MAPK9: variants seen among roughly 807,000 people sequenced by gnomAD.
The protein encoded by MAPK9 is Jun kinase.
MAPK9 carries 30 observed loss-of-function variants against 57.1 expected under a neutral mutation model. The observed-to-expected ratio is 0.53, with a 90% CI of 0.39 to 0.71. MAPK9 has a LOEUF of 0.71. Ranked by LOEUF, MAPK9 falls within the 30% of genes least tolerant of loss-of-function variation. MAPK9 has a pLI of 0.00. For missense variants in MAPK9, 362 were observed against 521.0 expected, an observed-to-expected ratio of 0.69 and a Z score of 2.97; for synonymous variants, 155 against 177.0, an observed-to-expected ratio of 0.88 and a Z score of 0.99.
intron 1 of MAPK9, among the ~76,000 whole-genome samples, chr5:180,291,233 G>A (rs1763202505): frequency 6.6e-6 from 1 of 151,750 alleles, no homozygotes; most frequent in African/African-American, 2.4e-5. Context: ...TAAGGGATTC[G>A]GGCTGGGTCC....
rs35159748 is a variant in MAPK9 at position 180,259,882 on chromosome 5, C to T, written c.450+1802G>A. On this transcript the variant is annotated intron_variant, in intron 5 of 11. Transcript: ENST00000452135. ...TCCTGTATGTAAACATGAAAAAACT[C>T]ATACTCTGTAGAAATCCTGAGAATG... 2.2e-3 allele frequency among the ~76,000 whole-genome samples: 332 copies of T among 152,326 alleles called. 2 individuals are homozygous for T. Among genetic ancestry groups the T allele is most frequent in the African/African-American group, 7.9e-3 (328 of 41,590 alleles).
At chr5:180,278,185 T>A (rs1333460765) in intron 2 of MAPK9, among the ~76,000 whole-genome samples, 1 of 152,216 alleles carries the variant, frequency 6.6e-6, no homozygotes, top group Non-Finnish European at 1.5e-5. Context: ...GTACAGGCAA[T>A]AAGGTCCCAA....
rs1757353820 is a variant in MAPK9 at position 180,238,348 on chromosome 5, TACA to T, written c.1113_1115del (p.Val372del). On this transcript the variant is annotated inframe_deletion, in exon 11 of 12. Coordinates refer to ENST00000452135, the MANE Select transcript of MAPK9 (RefSeq NM_002752.5). The stretch of plus-strand genomic sequence containing the variant: ...ATCACTAACCTGAAGGCTGATCTTT[TACA>T]ACACCATTCTTGCTTCTTTCTTCCC... The T allele has an allele frequency of 2.5e-6, 4 of 1,612,692 alleles. No individual in the cohort carries two copies. Among genetic ancestry groups the T allele is most frequent in the South Asian group, 1.1e-5 (1 of 91,032 alleles).
rs999768039 is a variant in MAPK9, at chr5:180,234,220, C to T, written c.*2164G>A. On this transcript the variant is annotated 3_prime_UTR_variant, in exon 12 of 12. Coordinates refer to ENST00000452135, the MANE Select transcript of MAPK9 (RefSeq NM_002752.5). ...ATAGAAAAGATGAAACAGTTGAGCA[C>T]ATTTTTCAGTTCTTTAACCAACATC... The T allele has an allele frequency of 6.6e-6, 1 of 152,218 alleles. No individual in the cohort carries two copies. The highest frequency in any genetic ancestry group is 1.5e-5 in the Non-Finnish European group (1 of 68,036). The allele number at this position is 152,218 out of a possible 1,614,324, so 9.4% of individuals were successfully genotyped here. A position where few individuals can be genotyped will look rare whatever the true frequency, so the allele number is the denominator to read the frequency against.
chr5:180,270,863 AAAAAAAAAAAG>A (rs1390865001), intron 2 of MAPK9, among the ~76,000 whole-genome samples: 10 of 143,064 alleles, frequency 7.0e-5, no homozygotes, highest in Non-Finnish European at 1.0e-4. Flanking sequence ...GGTCTCAAAA[AAAAAAAAAAAG>A]AAAAAGAAAA....
At chr5:180,273,049 G>A (rs930097910) in intron 2 of MAPK9, among the ~76,000 whole-genome samples, 1 of 152,148 alleles carries the variant, frequency 6.6e-6, no homozygotes, top group African/African-American at 2.4e-5. Flanking sequence ...ACCAGCACTT[G>A]GTATCACCAA....
At chr5:180,259,394 A>T (rs1346608729) in intron 5 of MAPK9, among the ~76,000 whole-genome samples, 1 of 152,212 alleles carries the variant, frequency 6.6e-6, no homozygotes, top group East Asian at 1.9e-4. Flanking sequence ...GATGTGGTCA[A>T]GTCTTCAGAC....
chr5:180,291,719 T>A (rs1323402042), intron 1 of MAPK9, 129 bp downstream of exon 1: 4 of 150,430 alleles, frequency 2.7e-5, no homozygotes, highest in Non-Finnish European at 5.9e-5. Context: ...GGGCGACGGC[T>A]GCGGCTGCCA....
chr5:180,260,282 A>C (rs762829317), intron 5 of MAPK9, among the ~76,000 whole-genome samples: 2 of 152,216 alleles, frequency 1.3e-5, no homozygotes, highest in Non-Finnish European at 2.9e-5. Flanking sequence ...CAAACTGGAG[A>C]TGGATCTTTA....
chr5:180,267,464 A>C lies in MAPK9; in HGVS notation c.252+1816T>G, dbSNP rs533001482. Among the ~76,000 whole-genome samples the C allele has an allele frequency of 3.4e-5, 5 of 147,988 alleles. No homozygotes were observed. In the East Asian group the frequency reaches 1.0e-3, roughly 31 times the overall value. On this transcript the variant is annotated intron_variant, in intron 3 of 11. Coordinates refer to ENST00000452135, the MANE Select transcript of MAPK9 (RefSeq NM_002752.5). ...GTAGTCCCGGCTACTCGGGAGGCTGAGGCAGGAGAATGGCGTGAACCTGGG... is the reference window on the plus strand; with the variant it reads ...GTAGTCCCGGCTACTCGGGAGGCTGCGGCAGGAGAATGGCGTGAACCTGGG...
intron 1 of MAPK9, 37 bp from the exon 2 acceptor site, chr5:180,280,645 G>C: frequency 6.6e-7 from 1 of 1,520,024 alleles, no homozygotes; most frequent in Non-Finnish European, 8.9e-7. Flanking sequence ...CATTCTTACC[G>C]GAAGTACATA....
At chr5:180,246,560 C>G (rs1017931475) in intron 7 of MAPK9, 2 of 152,042 alleles carry the variant, frequency 1.3e-5, no homozygotes, top group Non-Finnish European at 2.9e-5. Flanking sequence ...GGATGGAGAC[C>G]AATTTAAACT....
intron 2 of MAPK9, among the ~76,000 whole-genome samples, chr5:180,270,130 C>T (rs944904913): frequency 6.6e-6 from 1 of 152,170 alleles, no homozygotes; most frequent in Non-Finnish European, 1.5e-5. Flanking sequence ...AGGTTTCAAA[C>T]TGGTACTAAA....
At chr5:180,270,951 T>TA (rs1162784277) in intron 2 of MAPK9, among the ~76,000 whole-genome samples, 2 of 152,032 alleles carry the variant, frequency 1.3e-5, no homozygotes, top group Non-Finnish European at 2.9e-5. Flanking sequence ...AAATTTCAGT[T>TA]AGATAGGAGG....
intron 9 of MAPK9, among the ~76,000 whole-genome samples, chr5:180,240,383 TC>T (rs754958735): frequency 4.6e-5 from 7 of 152,244 alleles, no homozygotes; most frequent in African/African-American, 7.2e-5. Flanking sequence ...AACTCCCAAA[TC>T]CAATGTCCAA....
At chr5:180,271,454 G>T (rs1249141223) in intron 2 of MAPK9, among the ~76,000 whole-genome samples, 2 of 151,940 alleles carry the variant, frequency 1.3e-5, no homozygotes, top group African/African-American at 4.8e-5. Context: ...TATTTTTTTT[G>T]TTGTTCTGCT....
At chr5:180,267,404 T>A (rs1030044289) in intron 3 of MAPK9, among the ~76,000 whole-genome samples, 2 of 151,022 alleles carry the variant, frequency 1.3e-5, no homozygotes, top group Non-Finnish European at 2.9e-5. Flanking sequence ...CTACTAAAAA[T>A]ACAAAAAATT....
At chr5:180,251,889 G>A (rs553495969) in intron 5 of MAPK9, among the ~76,000 whole-genome samples, 3 of 152,314 alleles carry the variant, frequency 2.0e-5, no homozygotes, top group Non-Finnish European at 4.4e-5. Flanking sequence ...CCCACTGCTT[G>A]AGAGGTATCC....
intron 2 of MAPK9, among the ~76,000 whole-genome samples, chr5:180,272,878 G>C (rs1279729463): frequency 6.6e-6 from 1 of 152,214 alleles, no homozygotes; most frequent in Non-Finnish European, 1.5e-5. Flanking sequence ...CGTATCCATT[G>C]TATTTCAGTA....
Sources: gnomAD v4.1 joint callset for allele counts (sites outside exome capture counted in the v4.1 genomes callset) on GRCh38, gnomAD v4.1.1 for gene constraint, MANE v1.5 for transcripts, NCBI Gene and HGNC (gene_info 2026-07-23, HGNC 2026-07-21) for gene names.